Variants in SRPK1 observed in about 807,000 individuals in gnomAD.
The protein encoded by SRPK1 is SRSF protein kinase 1.
Under a neutral mutation model 89.5 loss-of-function variants are expected in SRPK1, and 52 were observed. The observed-to-expected ratio is 0.58, with a 90% confidence interval of 0.46 to 0.73. SRPK1 has a LOEUF of 0.73. Ranked by LOEUF, SRPK1 falls within the 30% of genes least tolerant of loss-of-function variation. SRPK1 has a pLI of 0.00. For missense variants in SRPK1, 603 were observed against 780.6 expected (o/e 0.77, Z 2.71); for synonymous variants, 255 against 270.2 (o/e 0.94, Z 0.55).
At chr6:35,844,376 T>A (rs1769383985) in intron 13 of SRPK1, among the ~76,000 whole-genome samples, 1 of 152,124 alleles carries the variant, frequency 6.6e-6, no homozygotes, top group African/African-American at 2.4e-5. Context: ...ATAGGTCAAT[T>A]TTGATTAAAT....
At chr6:35,877,378 C>A (rs1344824346) in intron 6 of SRPK1, among the ~76,000 whole-genome samples, 1 of 152,154 alleles carries the variant, frequency 6.6e-6, no homozygotes, top group Non-Finnish European at 1.5e-5. Context: ...GTAAAACTTA[C>A]AATGTGATTA....
rs1240982147 is a variant in SRPK1, at chr6:35,833,396, C to T, written c.*1908G>A. 1 of 152,348 alleles carries T rather than the reference C, an allele frequency of 6.6e-6. No individual in the cohort carries two copies. 9.4% of individuals were successfully genotyped at this position (152,348 alleles called of 1,614,324 possible). A position where few individuals can be genotyped will look rare whatever the true frequency, so the allele number is the denominator to read the frequency against. On this transcript the variant is annotated 3_prime_UTR_variant, in exon 16 of 16. Transcript: ENST00000373825. ...GGGCCTTTTGTGTTTTGTTATTTCA[C>T]CTTAATATCACCAGAATTCCTGTAA...
chr6:35,900,806 C>T (rs1581594984), intron 2 of SRPK1, among the ~76,000 whole-genome samples: 2 of 152,016 alleles, frequency 1.3e-5, no homozygotes, highest in South Asian at 2.1e-4. Flanking sequence ...GGGAGAGGAA[C>T]GGATTTAAAG....
At chr6:35,886,082 CTTTT>C (rs34954400) in intron 6 of SRPK1, among the ~76,000 whole-genome samples, 3 of 136,634 alleles carry the variant, frequency 2.2e-5, no homozygotes, top group Non-Finnish European at 1.6e-5. Flanking sequence ...TAGACAGTAT[CTTTT>C]TTTTTTTTTT....
chr6:35,871,062 T>C (rs571180680), intron 8 of SRPK1, 103 bp from the exon 9 acceptor site: 178 of 803,084 alleles, frequency 2.2e-4, no homozygotes, highest in Non-Finnish European at 3.2e-4. Context: ...CTTTCTTATG[T>C]AGTCTACATT....
intron 6 of SRPK1, among the ~76,000 whole-genome samples, chr6:35,880,746 A>AAAAAAAAAAAAAAAAAAAAAAAAGAAAG (rs1770263877): frequency 1.1e-5 from 1 of 89,202 alleles, no homozygotes; most frequent in Non-Finnish European, 2.2e-5. Context: ...AAAAAAAAAA[A>AAAAAAAAAAAAAAAAAAAAAAAAGAAAG]AAAAGAAAAG....
At chr6:35,885,330 G>GAGAGAGAGAGAGA (rs1770386291) in intron 6 of SRPK1, among the ~76,000 whole-genome samples, 1 of 138,510 alleles carries the variant, frequency 7.2e-6, no homozygotes, top group African/African-American at 2.6e-5. Flanking sequence ...GAGAGAGAGA[G>GAGAGAGAGAGAGA]CCATCTACAA....
rs1017757259 is a variant in SRPK1 at position 35,835,197 on chromosome 6, G to C, written c.*107C>G. 9.8e-7 allele frequency: 1 copy of C among 1,017,528 alleles called. No individual in the cohort carries two copies. Among genetic ancestry groups the C allele is most frequent in the South Asian group, 2.1e-5 (1 of 46,980 alleles). The allele number at this position is 1,017,528 out of a possible 1,614,324, so 63.0% of individuals were successfully genotyped here. A position where few individuals can be genotyped will look rare whatever the true frequency, so the allele number is the denominator to read the frequency against. On this transcript the variant is annotated 3_prime_UTR_variant, in exon 16 of 16. Coordinates refer to ENST00000373825, the MANE Select transcript of SRPK1 (RefSeq NM_003137.5). ...TGGATTAAAAAAAAAACAAGATCTAGAAACTCTTGAAGGAAGAGCTTCACC... is the reference window on the plus strand; with the variant it reads ...TGGATTAAAAAAAAAACAAGATCTACAAACTCTTGAAGGAAGAGCTTCACC...
At position 35,838,318 on chromosome 6, in the gene SRPK1, G is replaced by A; in HGVS notation, c.1783+19C>T. On this transcript the variant is annotated intron_variant, in intron 15 of 15. Transcript: ENST00000373825. ...AAACACTTCTGCCTCCTTAATGTCT[G>A]GGAACACATTTACTTTACCTTTTTT... The A allele has an allele frequency of 1.3e-6, 2 of 1,517,858 alleles. No individual in the cohort carries two copies. The highest frequency in any genetic ancestry group is 1.3e-5 in the South Asian group (1 of 78,038). The allele number at this position is 1,517,858 out of a possible 1,614,324, so 94.0% of individuals were successfully genotyped here.
chr6:35,901,812 A>T (rs763487997), intron 2 of SRPK1, among the ~76,000 whole-genome samples: 1 of 152,140 alleles, frequency 6.6e-6, no homozygotes, highest in African/African-American at 2.4e-5. Context: ...TTGCAAATTG[A>T]CATAATCCTT....
intron 2 of SRPK1, chr6:35,920,129 C>T (rs1347549782): frequency 2.1e-6 from 1 of 487,340 alleles, no homozygotes; most frequent in Non-Finnish European, 4.0e-6. Flanking sequence ...AGTTCAGAAA[C>T]AGACCGATAA....
intron 13 of SRPK1, among the ~76,000 whole-genome samples, chr6:35,844,885 C>CT (rs1172366429): frequency 6.6e-6 from 1 of 151,642 alleles, no homozygotes; most frequent in Admixed American, 6.6e-5. Context: ...AAACAAAAAA[C>CT]AAAAAACACA....
chr6:35,858,200 T>TGC (rs1769705299), intron 12 of SRPK1, among the ~76,000 whole-genome samples: 1 of 152,182 alleles, frequency 6.6e-6, no homozygotes, highest in African/African-American at 2.4e-5. Flanking sequence ...TACCACTCAT[T>TGC]GCCAGTCTAT....
intron 2 of SRPK1, among the ~76,000 whole-genome samples, chr6:35,916,072 T>C (rs918565776): frequency 2.9e-5 from 4 of 137,454 alleles, no homozygotes; most frequent in African/African-American, 1.0e-4. Context: ...AAATAAATTA[T>C]GGTTGGCTGG....
At chr6:35,893,905 G>A (rs1004130312) in intron 2 of SRPK1, among the ~76,000 whole-genome samples, 3 of 152,082 alleles carry the variant, frequency 2.0e-5, no homozygotes, top group African/African-American at 7.2e-5. Context: ...CAGCTACTCG[G>A]GAGGCTGAGG....
intron 15 of SRPK1, among the ~76,000 whole-genome samples, chr6:35,837,979 C>T (rs1769219596): frequency 6.6e-6 from 1 of 151,888 alleles, no homozygotes; most frequent in Admixed American, 6.6e-5. Flanking sequence ...AGTGATTCTC[C>T]TGTCTCAGCC....
rs1769153956 is a variant in SRPK1, at chr6:35,835,288, G to T, written c.*16C>A. ...AGGGTCAGTGTGTGATCTCTGCTGT[G>T]GTGCTGGGCAGGGGCTTAGGAGTTA... On this transcript the variant is annotated 3_prime_UTR_variant, in exon 16 of 16. Transcript: ENST00000373825. 1 of 1,608,238 alleles carries T rather than the reference G, an allele frequency of 6.2e-7. No homozygotes were observed. Among genetic ancestry groups the T allele is most frequent in the Non-Finnish European group, 8.5e-7 (1 of 1,176,544 alleles).
At chr6:35,848,375 C>T (rs909802963) in intron 13 of SRPK1, among the ~76,000 whole-genome samples, 1 of 152,042 alleles carries the variant, frequency 6.6e-6, no homozygotes, top group African/African-American at 2.4e-5. Flanking sequence ...CTGGGCAACA[C>T]AGGGAGACCC....
intron 2 of SRPK1, among the ~76,000 whole-genome samples, chr6:35,895,435 T>TTG (rs10566123): frequency 0.016 from 2,295 of 147,930 alleles, 51 homozygotes; most frequent in African/African-American, 0.047. Context: ...AGGCATATGC[T>TTG]TGTGTGTGTG....
Sources: allele counts gnomAD v4.1 joint callset (sites outside exome capture counted in the v4.1 genomes callset), GRCh38; gene constraint gnomAD v4.1.1; transcripts MANE v1.5; gene names NCBI Gene and HGNC (gene_info 2026-07-23, HGNC 2026-07-21).